Variants in PDPK1 observed in about 807,000 individuals in gnomAD.
The protein encoded by PDPK1 is 3-phosphoinositide dependent protein kinase 1, also known as 3-phosphoinositide-dependent protein kinase 1.
A neutral mutation model predicts 39.8 loss-of-function variants in PDPK1; 7 were observed. The observed-to-expected ratio is 0.18, with a 90% CI of 0.10 to 0.33. The LOEUF (loss-of-function observed/expected upper bound fraction) is 0.33. Ranked by LOEUF, PDPK1 falls within the 10% of genes least tolerant of loss-of-function variation. The pLI, the probability that PDPK1 is intolerant of heterozygous loss-of-function variation, is 1.00. For synonymous variants in PDPK1, 118 were observed against 159.1 expected, an observed-to-expected ratio of 0.74 and a Z score of 1.95; for missense variants, 182 against 384.7, an observed-to-expected ratio of 0.47 and a Z score of 4.41.
chr16:2,596,849 G>C (rs1189636997), intron 12 of PDPK1, among the ~76,000 whole-genome samples: 1 of 152,120 alleles, frequency 6.6e-6, no homozygotes, highest in African/African-American at 2.4e-5. Context: ...GCAGGCTTCT[G>C]TCCCAGGCAG....
intron 1 of PDPK1, among the ~76,000 whole-genome samples, chr16:2,541,527 G>T (rs2066244786): frequency 6.6e-6 from 1 of 152,188 alleles, no homozygotes; most frequent in African/African-American, 2.4e-5. Flanking sequence ...GTTCTGTGTG[G>T]GGCAGGTTGT....
chr16:2,601,357 G>A lies in PDPK1; in HGVS notation c.*3590G>A, dbSNP rs2067211254. 4.3e-6 allele frequency: 1 copy of A among 234,596 alleles called. No homozygotes were observed. Among genetic ancestry groups the A allele is most frequent in the South Asian group, 1.8e-4 (1 of 5,514 alleles). 14.5% of individuals were successfully genotyped at this position (234,596 alleles called of 1,614,324 possible). A position where few individuals can be genotyped will look rare whatever the true frequency, so the allele number is the denominator to read the frequency against. On this transcript the variant is annotated 3_prime_UTR_variant, in exon 14 of 14. Transcript: ENST00000342085. ...AGGATGTCACTACTGCAATCCATCT[G>A]TGGCCGATTTTTTCCAAGAGCCAAT...
chr16:2,551,505 C>T (rs1165383060), intron 1 of PDPK1, among the ~76,000 whole-genome samples: 1 of 150,744 alleles, frequency 6.6e-6, no homozygotes, highest in Non-Finnish European at 1.5e-5. Flanking sequence ...TGTGCGGGCG[C>T]TGGCTCTACC....
rs181213412 is a variant in PDPK1 at position 2,603,095 on chromosome 16, T to C, written c.*5328T>C. 1.2e-3 allele frequency: 278 copies of C among 227,622 alleles called. 1 individual carries two copies. The highest frequency in any genetic ancestry group is 5.8e-3 in the African/African-American group (262 of 45,092). 14.1% of individuals were successfully genotyped at this position (227,622 alleles called of 1,614,324 possible). ...TTAATGAATCTGTTTATCCTTTTTTTTTTTCCAAATACTTGTGCTTTAGGT... is the reference window on the plus strand; with the variant it reads ...TTAATGAATCTGTTTATCCTTTTTTCTTTTCCAAATACTTGTGCTTTAGGT... On this transcript the variant is annotated 3_prime_UTR_variant, in exon 14 of 14. Coordinates refer to ENST00000342085, the MANE Select transcript of PDPK1 (RefSeq NM_002613.5).
At chr16:2,586,301 C>T (rs570205064) in intron 10 of PDPK1, among the ~76,000 whole-genome samples, 1 of 152,352 alleles carries the variant, frequency 6.6e-6, no homozygotes, top group South Asian at 2.1e-4. Flanking sequence ...ATGGATCTGC[C>T]ACCAGGCCTC....
intron 4 of PDPK1, chr16:2,562,808 G>T (rs1371487786): frequency 6.8e-6 from 1 of 146,730 alleles, no homozygotes; most frequent in Non-Finnish European, 1.5e-5. Context: ...GGCTGTGGTG[G>T]GCTGGGCCCC....
intron 11 of PDPK1, among the ~76,000 whole-genome samples, chr16:2,588,152 C>T (rs1334847369): frequency 6.6e-6 from 1 of 152,214 alleles, no homozygotes; most frequent in Admixed American, 6.5e-5. Context: ...GACCACGGCT[C>T]TATGCGGTTC....
chr16:2,594,623 T>G (rs923181476), intron 11 of PDPK1: 1 of 152,210 alleles, frequency 6.6e-6, no homozygotes, highest in Non-Finnish European at 1.5e-5. Flanking sequence ...TTCCGTAAGA[T>G]CAGATAGAAC....
intron 1 of PDPK1, among the ~76,000 whole-genome samples, chr16:2,551,483 C>T (rs970985208): frequency 2.0e-5 from 3 of 150,582 alleles, no homozygotes; most frequent in East Asian, 2.0e-4. Context: ...TCCTGCTTGC[C>T]GCGTGTGAGA....
chr16:2,585,529 CAGGAG>C (rs2066850908), intron 10 of PDPK1, among the ~76,000 whole-genome samples: 1 of 152,248 alleles, frequency 6.6e-6, no homozygotes, highest in African/African-American at 2.4e-5. Flanking sequence ...TGGGCCAAGG[CAGGAG>C]AGCAGGTGCT....
chr16:2,584,891 C>G (rs990181132), intron 10 of PDPK1, among the ~76,000 whole-genome samples: 2 of 152,204 alleles, frequency 1.3e-5, no homozygotes, highest in African/African-American at 4.8e-5. Context: ...GCCCTTGCCC[C>G]CACCCTGTGT....
At chr16:2,541,561 A>G (rs2066245506) in intron 1 of PDPK1, among the ~76,000 whole-genome samples, 1 of 152,206 alleles carries the variant, frequency 6.6e-6, no homozygotes, top group African/African-American at 2.4e-5. Flanking sequence ...CCCTGGGTGC[A>G]GAAACAGTCC....
Position 2,597,543 on chromosome 16 carries a change from C to A in PDPK1, c.1555-108C>A. ...TGCTTGTGTGAATAACCGTCACACC[C>A]ACGTGCTTTCAGGACTCGGAATGGC... On this transcript the variant is annotated intron_variant, in intron 13 of 13. Transcript: ENST00000342085. The surrounding 1 kb of genome is among the most constrained non-coding windows in gnomAD (Gnocchi z 6.3). The A allele has an allele frequency of 1.2e-6, 1 of 823,044 alleles. No homozygotes were observed. Among genetic ancestry groups the A allele is most frequent in the Middle Eastern group, 3.0e-4 (1 of 3,328 alleles). The allele number at this position is 823,044 out of a possible 1,614,324, so 51.0% of individuals were successfully genotyped here.
In PDPK1 at chr16:2,586,712, G is replaced by T. The variant is rs1567164251; in HGVS notation, c.1162G>T (p.Val388Leu). The change falls in exon 11 of 14, where the codon GTG (valine) becomes TTG (leucine). Residue 388 changes from valine (V) to leucine (L), a missense_variant. By Grantham distance (32) the Val-to-Leu change is conservative. This residue lies in a region of PDPK1 where 90 missense variants were observed against 111.9 expected (regional missense o/e 0.80). Transcript: ENST00000342085. ...NLLSQFGCMQ[V>L]SSSSSSHSLS... is the part of the protein sequence containing the mutation. ...CCTGAGCCAGTTTGGCTGCATGCAG[G>T]TGTCTTCGTCCTCCTCCTCACACTC... 1 of 1,614,226 alleles carries T rather than the reference G, an allele frequency of 6.2e-7. No homozygotes were observed. The highest frequency in any genetic ancestry group is 2.2e-5 in the East Asian group (1 of 44,884).
chr16:2,590,985 C>A (rs929476204), intron 11 of PDPK1, among the ~76,000 whole-genome samples: 31 of 140,018 alleles, frequency 2.2e-4, no homozygotes, highest in African/African-American at 5.4e-5. Flanking sequence ...GTTTTTGAAA[C>A]GGAGTCTCAT....
At chr16:2,592,776 A>G (rs999591757) in intron 11 of PDPK1, 10 of 454,972 alleles carry the variant, frequency 2.2e-5, no homozygotes, top group Non-Finnish European at 4.0e-5. Flanking sequence ...GCTGTGCTCT[A>G]GATGCCGCCA....
intron 12 of PDPK1, among the ~76,000 whole-genome samples, chr16:2,596,790 T>C (rs1019093855): frequency 2.0e-5 from 3 of 151,828 alleles, no homozygotes; most frequent in African/African-American, 4.8e-5. Context: ...CCGTATGTCC[T>C]CCGCAGGCAA....
In PDPK1 at chr16:2,586,769, A is replaced by G; in HGVS notation, c.1219A>G (p.Arg407Gly). Residue 407 changes from arginine (R) to glycine (G), a missense_variant, in exon 11 of 14, where the codon AGG (arginine) becomes GGG (glycine). Arg to Gly is a moderately radical substitution (Grantham distance 125). This residue lies in a region of PDPK1 where 90 missense variants were observed against 111.9 expected (regional missense o/e 0.80). Coordinates refer to ENST00000342085, the MANE Select transcript of PDPK1 (RefSeq NM_002613.5). ...AGCCTCCGACACGGGCCTGCCCCAG[A>G]GGTCAGGCAGCAACATAGAGCAGTA... ...LSASDTGLPQ[R>G]SGSNIEQYIH... 6.2e-7 allele frequency: 1 copy of G among 1,614,156 alleles called. No individual in the cohort carries two copies. The highest frequency in any genetic ancestry group is 8.5e-7 in the Non-Finnish European group (1 of 1,179,956).
intron 11 of PDPK1, among the ~76,000 whole-genome samples, chr16:2,591,430 G>A (rs1243827115): frequency 1.3e-5 from 2 of 152,198 alleles, no homozygotes; most frequent in African/African-American, 2.4e-5. Flanking sequence ...GTGTGGAAAT[G>A]TATTGTTACG....
Sources: gnomAD v4.1 joint callset for allele counts (sites outside exome capture counted in the v4.1 genomes callset) on GRCh38, gnomAD v4.1.1 for gene constraint, gnomAD v4.1.1 regional missense constraint, Gnocchi (gnomAD v3.1) non-coding constraint, MANE v1.5 for transcripts, NCBI Gene and HGNC (gene_info 2026-07-23, HGNC 2026-07-21) for gene names.